Variants in GNG4 observed in about 807,000 individuals in gnomAD.
The protein encoded by GNG4 is G protein subunit gamma 4, also known as guanine nucleotide-binding protein G(I)/G(S)/G(O) subunit gamma-4.
Under a neutral mutation model 5.8 loss-of-function variants are expected in GNG4, and 4 were observed. The ratio of observed to expected loss-of-function variants is 0.69; its 90% CI spans 0.34 to 1.57. The LOEUF is 1.57. Ranked by LOEUF, GNG4 falls within the 40% of genes most tolerant of loss-of-function variation. The probability of loss-of-function intolerance (pLI) is 0.06; values close to 1 mark genes in which losing one functional copy is unlikely to be tolerated. For missense variants in GNG4, 96 were observed against 95.1 expected (o/e 1.01, Z -0.04); for synonymous variants, 29 against 32.9 (o/e 0.88, Z 0.41).
At chr1:235,609,702 C>G (rs972662188) in intron 1 of GNG4, among the ~76,000 whole-genome samples, 1 of 152,046 alleles carries the variant, frequency 6.6e-6, no homozygotes, top group Non-Finnish European at 1.5e-5. Context: ...CACTTGAGCT[C>G]AGGAGTTCGA....
intron 2 of GNG4, among the ~76,000 whole-genome samples, chr1:235,589,146 C>G (rs1443771804): frequency 6.6e-6 from 1 of 152,260 alleles, no homozygotes; most frequent in African/African-American, 2.4e-5. Flanking sequence ...AGCCATATAG[C>G]CATAACATCG....
At chr1:235,628,902 G>A (rs1688876263) in intron 1 of GNG4, among the ~76,000 whole-genome samples, 1 of 151,812 alleles carries the variant, frequency 6.6e-6, no homozygotes, top group African/African-American at 2.4e-5. Context: ...CTTTGGTTCT[G>A]AGCAGGACCC....
chr1:235,596,975 C>A (rs750319502), intron 1 of GNG4, among the ~76,000 whole-genome samples: 1 of 151,920 alleles, frequency 6.6e-6, no homozygotes, highest in Non-Finnish European at 1.5e-5. Context: ...CTCAAGGGAT[C>A]CTCCCACCTA....
chr1:235,570,862 A>ATGTGTGTGTGTG (rs1553365373), intron 3 of GNG4, among the ~76,000 whole-genome samples: 1,438 of 141,572 alleles, frequency 0.01, 22 homozygotes, highest in African/African-American at 0.036. Flanking sequence ...ATATATATAT[A>ATGTGTGTGTGTG]TGTGTGTGTG....
chr1:235,554,557 G>A (rs543538017), intron 3 of GNG4, among the ~76,000 whole-genome samples: 8 of 152,280 alleles, frequency 5.3e-5, no homozygotes, highest in Non-Finnish European at 8.8e-5. Context: ...GTTTAAGAAT[G>A]GCTCGGCTGG....
At chr1:235,567,853 T>A (rs1290359381) in intron 3 of GNG4, among the ~76,000 whole-genome samples, 1 of 152,190 alleles carries the variant, frequency 6.6e-6, no homozygotes, top group Non-Finnish European at 1.5e-5. Context: ...TCTCACCCGA[T>A]CCCATTTCTA....
chr1:235,550,437 C>A lies in GNG4; in HGVS notation c.*1672G>T, dbSNP rs1262168071. 1 of 152,350 alleles carries A rather than the reference C, an allele frequency of 6.6e-6. No individual in the cohort carries two copies. Among genetic ancestry groups the A allele is most frequent in the Non-Finnish European group, 1.5e-5 (1 of 68,174 alleles). 9.4% of individuals were successfully genotyped at this position (152,350 alleles called of 1,614,324 possible). A position where few individuals can be genotyped will look rare whatever the true frequency, so the allele number is the denominator to read the frequency against. ...GGCCGGGCTGCCTGCCCTCAAATCC[C>A]AGTTTTTCTGCTTACCATGTGTAAC... On this transcript the variant is annotated 3_prime_UTR_variant, in exon 4 of 4. Transcript: ENST00000391854.
At chr1:235,575,988 C>T (rs1470585195) in intron 3 of GNG4, among the ~76,000 whole-genome samples, 1 of 152,122 alleles carries the variant, frequency 6.6e-6, no homozygotes, top group Non-Finnish European at 1.5e-5. Context: ...GCCTCTTACA[C>T]TCTGCTCAGC....
chr1:235,645,110 C>G (rs948849390), intron 1 of GNG4, among the ~76,000 whole-genome samples: 8 of 152,200 alleles, frequency 5.3e-5, no homozygotes, highest in Admixed American at 2.6e-4. Flanking sequence ...GACCTCTGGC[C>G]TCTGGCCTCC....
intron 1 of GNG4, among the ~76,000 whole-genome samples, chr1:235,634,106 G>A (rs1481181819): frequency 6.6e-6 from 1 of 152,116 alleles, no homozygotes; most frequent in Non-Finnish European, 1.5e-5. Context: ...CTCCTCCAGG[G>A]AGGGTGAGGG....
chr1:235,645,707 G>A (rs1657486843), intron 1 of GNG4, among the ~76,000 whole-genome samples: 1 of 146,436 alleles, frequency 6.8e-6, no homozygotes, highest in South Asian at 2.2e-4. Flanking sequence ...CAAGGCAGGA[G>A]AATCGCTTGA....
At chr1:235,554,814 C>T (rs1686854810) in intron 3 of GNG4, among the ~76,000 whole-genome samples, 1 of 144,358 alleles carries the variant, frequency 6.9e-6, no homozygotes. Flanking sequence ...CACTGCACTC[C>T]AGTCTGGGCA....
At position 235,569,600 on chromosome 1, in the gene GNG4, G is replaced by A. The variant is rs113072005; in HGVS notation, c.99+14140C>T. 6.5e-3 allele frequency among the ~76,000 whole-genome samples: 991 copies of A among 151,756 alleles called. 9 individuals are homozygous for A. The highest frequency in any genetic ancestry group is 0.023 in the African/African-American group (938 of 41,352). ...GCTGGAGTGCAATGGCACGATCTTG[G>A]CTCACTAGATTCCTCATGACCTCTT... On this transcript the variant is annotated intron_variant, in intron 3 of 3. Transcript: ENST00000391854.
In GNG4 at chr1:235,596,877, C is replaced by T. The variant is rs577110250; in HGVS notation, c.-122-1366G>A. Among the ~76,000 whole-genome samples the T allele has an allele frequency of 1.1e-3, 167 of 152,210 alleles. 1 individual carries two copies. Among genetic ancestry groups the T allele is most frequent in the African/African-American group, 3.8e-3 (159 of 41,530 alleles). ...AGCTGGGACTACAGGCGTCCACTAC[C>T]ATGCCTGGCTAATTTTTACTTTTTT... On this transcript the variant is annotated intron_variant, in intron 1 of 3. Transcript: ENST00000391854.
At chr1:235,629,298 A>T (rs1332031721) in intron 1 of GNG4, among the ~76,000 whole-genome samples, 1 of 152,154 alleles carries the variant, frequency 6.6e-6, no homozygotes, top group African/African-American at 2.4e-5. Flanking sequence ...TACAGGTGTG[A>T]GTCACCATAC....
chr1:235,583,900 G>A, intron 2 of GNG4, 52 bp from the exon 3 acceptor site: 2 of 1,156,792 alleles, frequency 1.7e-6, no homozygotes, highest in Non-Finnish European at 2.6e-6. Flanking sequence ...CCAAGGGTAG[G>A]GGAACCCCAC....
chr1:235,582,346 G>A lies in GNG4; in HGVS notation c.99+1394C>T, dbSNP rs113611263. On this transcript the variant is annotated intron_variant, in intron 3 of 3. Coordinates refer to ENST00000391854, the MANE Select transcript of GNG4 (RefSeq NM_001098722.2). ...AGCACAACCTGCAGCTCCTCCCGCT[G>A]CCCAGCTGCTCCACACGAGCCGTGA... Among the ~76,000 whole-genome samples, 461 of 152,212 alleles carry A rather than the reference G, an allele frequency of 3.0e-3. 1 individual carries two copies. The highest frequency in any genetic ancestry group is 0.01 in the African/African-American group (429 of 41,526).
intron 2 of GNG4, among the ~76,000 whole-genome samples, chr1:235,594,896 G>A (rs538654595): frequency 6.2e-4 from 94 of 152,318 alleles, no homozygotes; most frequent in African/African-American, 2.0e-3. Flanking sequence ...CAGAGGAGGC[G>A]CCGAGAGCGA....
At chr1:235,619,431 C>T (rs1031174905) in intron 1 of GNG4, among the ~76,000 whole-genome samples, 5 of 151,976 alleles carry the variant, frequency 3.3e-5, no homozygotes. Context: ...TTTGTTTTCC[C>T]TTCCTGGGAG....
Sources: gnomAD v4.1 joint callset for allele counts (sites outside exome capture counted in the v4.1 genomes callset) on GRCh38, gnomAD v4.1.1 for gene constraint, MANE v1.5 for transcripts, NCBI Gene and HGNC (gene_info 2026-07-23, HGNC 2026-07-21) for gene names.